RORA: variants seen among roughly 807,000 people sequenced by gnomAD.
RORA encodes RAR related orphan receptor A.
In RORA, 7 loss-of-function variants were observed where a neutral mutation model predicts 69.5. The ratio of observed to expected loss-of-function variants is 0.10; its 90% CI spans 0.06 to 0.19. RORA has a LOEUF of 0.19. Ranked by LOEUF, RORA falls within the 10% of genes least tolerant of loss-of-function variation. The pLI is 1.00. For synonymous variants in RORA, 261 were observed against 240.8 expected, an observed-to-expected ratio of 1.08 and a Z score of -0.78; for missense variants, 457 against 663.0, an observed-to-expected ratio of 0.69 and a Z score of 3.41.
chr15:60,934,494 G>GTTGT (rs1555395546), intron 1 of RORA, among the ~76,000 whole-genome samples: 2,596 of 116,796 alleles, frequency 0.022, 86 homozygotes, highest in African/African-American at 0.069. Flanking sequence ...TGTTGTTGTT[G>GTTGT]TTGTTTGTTT....
At chr15:60,899,639 G>A (rs1338497630) in intron 1 of RORA, among the ~76,000 whole-genome samples, 1 of 152,134 alleles carries the variant, frequency 6.6e-6, no homozygotes, top group Admixed American at 6.5e-5. Flanking sequence ...ATTCCACCAG[G>A]TAAGGACGTC....
intron 1 of RORA, chr15:60,765,488 C>A (rs1235617320): frequency 6.6e-6 from 1 of 152,072 alleles, no homozygotes; most frequent in Non-Finnish European, 1.5e-5. Context: ...CTGGCTTGGT[C>A]GGGTCTTGTG....
At chr15:60,947,773 G>A (rs562691078) in intron 1 of RORA, among the ~76,000 whole-genome samples, 1 of 151,548 alleles carries the variant, frequency 6.6e-6, no homozygotes, top group East Asian at 1.9e-4. Flanking sequence ...GCAAAGTGCA[G>A]TCTTGGGTGC....
At chr15:60,596,365 A>C (rs966164820) in intron 2 of RORA, among the ~76,000 whole-genome samples, 2 of 152,086 alleles carry the variant, frequency 1.3e-5, no homozygotes, top group Non-Finnish European at 2.9e-5. Context: ...CTGAACAAGA[A>C]AGGGATCAGT....
At chr15:60,707,950 T>G (rs546634321) in intron 1 of RORA, among the ~76,000 whole-genome samples, 1 of 152,332 alleles carries the variant, frequency 6.6e-6, no homozygotes, top group African/African-American at 2.4e-5. Context: ...CTGTAGGATT[T>G]GTATAGAACA....
At chr15:61,127,986 T>C (rs1264094502) in intron 1 of RORA, among the ~76,000 whole-genome samples, 1 of 152,206 alleles carries the variant, frequency 6.6e-6, no homozygotes, top group Non-Finnish European at 1.5e-5. Context: ...GGACAGGTGC[T>C]AATTAATCTA....
rs775294989 is a variant in RORA at position 60,511,537 on chromosome 15, CGCT to C, written c.506_508del (p.Gln169del). ...CTCTCCAGGCTGCTGCTGGTGGTCG[CGCT>C]GCTGCTGCTGCATCCGGTGTTTCTG... On this transcript the variant is annotated inframe_deletion, in exon 5 of 11. Coordinates refer to ENST00000335670, the MANE Select transcript of RORA (RefSeq NM_134261.3). The surrounding 1 kb of genome is among the most constrained non-coding windows in gnomAD (Gnocchi z 6.4). The C allele has an allele frequency of 6.2e-7, 1 of 1,613,540 alleles. No individual in the cohort carries two copies. Among genetic ancestry groups the C allele is most frequent in the Non-Finnish European group, 8.5e-7 (1 of 1,179,492 alleles).
At chr15:60,816,959 T>C (rs2072826518) in intron 1 of RORA, among the ~76,000 whole-genome samples, 2 of 152,216 alleles carry the variant, frequency 1.3e-5, no homozygotes. Context: ...AGCTTTGTTA[T>C]GATTGCCATT....
chr15:60,567,986 A>C (rs2140442734), intron 2 of RORA, among the ~76,000 whole-genome samples: 1 of 152,290 alleles, frequency 6.6e-6, no homozygotes, highest in South Asian at 2.1e-4. Context: ...CAGCCTTGGC[A>C]CTACTGACAT....
intron 1 of RORA, among the ~76,000 whole-genome samples, chr15:60,945,495 A>C (rs1007813666): frequency 5.3e-5 from 8 of 152,240 alleles, no homozygotes; most frequent in Non-Finnish European, 1.0e-4. Flanking sequence ...AAGGCTCTCC[A>C]GGCTACAACT....
At chr15:60,617,281 G>T (rs1291136589) in intron 2 of RORA, among the ~76,000 whole-genome samples, 1 of 152,128 alleles carries the variant, frequency 6.6e-6, no homozygotes, top group Non-Finnish European at 1.5e-5. Context: ...ACAAGGGAGA[G>T]CACCCAGCCC....
intron 1 of RORA, among the ~76,000 whole-genome samples, chr15:60,978,819 A>G (rs1893948070): frequency 6.6e-6 from 1 of 152,114 alleles, no homozygotes; most frequent in Non-Finnish European, 1.5e-5. Context: ...AATTGACCAT[A>G]CATGTATGTA....
chr15:61,187,082 A>G (rs2079750914), intron 1 of RORA, among the ~76,000 whole-genome samples: 1 of 152,246 alleles, frequency 6.6e-6, no homozygotes, highest in Non-Finnish European at 1.5e-5. Flanking sequence ...CATCCTGTCC[A>G]TGACAAAGAT....
intron 2 of RORA, among the ~76,000 whole-genome samples, chr15:60,583,940 T>C (rs1419819207): frequency 6.6e-6 from 1 of 152,206 alleles, no homozygotes; most frequent in Non-Finnish European, 1.5e-5. Flanking sequence ...CAAAAGAAGA[T>C]TCCTTGGCCT....
rs78065538 is a variant in RORA at position 60,987,643 on chromosome 15, G to A, written c.166+241410C>T. Among the ~76,000 whole-genome samples the A allele has an allele frequency of 5.4e-4, 82 of 152,146 alleles. No individual in the cohort carries two copies. The East Asian group carries it at 7.0e-3, about 13-fold the overall frequency. On this transcript the variant is annotated intron_variant, in intron 1 of 10. Coordinates refer to ENST00000335670, the MANE Select transcript of RORA (RefSeq NM_134261.3). Reference sequence around the variant, plus strand: ...TGTACAACATTTTGGGGATTTCATCGTCTCCCCAGACATTCTTGAGGGCAG... The same window carrying A: ...TGTACAACATTTTGGGGATTTCATCATCTCCCCAGACATTCTTGAGGGCAG...
At chr15:60,532,958 T>C (rs1229794341) in intron 2 of RORA, among the ~76,000 whole-genome samples, 1 of 152,218 alleles carries the variant, frequency 6.6e-6, no homozygotes, top group Non-Finnish European at 1.5e-5. Flanking sequence ...ACAGAGTAAT[T>C]TCTTTGTCCA....
chr15:61,018,442 C>G (rs1428182402), intron 1 of RORA, among the ~76,000 whole-genome samples: 1 of 152,044 alleles, frequency 6.6e-6, no homozygotes, highest in African/African-American at 2.4e-5. Context: ...ATGGAAAGTA[C>G]TTTATAAATG....
chr15:61,068,660 C>T (rs910822112), intron 1 of RORA, among the ~76,000 whole-genome samples: 1 of 152,232 alleles, frequency 6.6e-6, no homozygotes, highest in East Asian at 1.9e-4. Flanking sequence ...CAATATAAAC[C>T]ATTCTGGGAA....
intron 1 of RORA, among the ~76,000 whole-genome samples, chr15:60,947,033 C>A (rs549045666): frequency 3.7e-4 from 55 of 149,690 alleles, no homozygotes; most frequent in African/African-American, 1.1e-3. Flanking sequence ...CCAGCCCCCG[C>A]CCGGCCAGCC....
Sources: gnomAD v4.1 joint callset for allele counts (sites outside exome capture counted in the v4.1 genomes callset) on GRCh38, gnomAD v4.1.1 for gene constraint, Gnocchi (gnomAD v3.1) non-coding constraint, MANE v1.5 for transcripts, NCBI Gene and HGNC (gene_info 2026-07-23, HGNC 2026-07-21) for gene names.